The following GALNT14 variants were observed in gnomAD, a reference collection of about 807,000 sequenced individuals.
The protein encoded by GALNT14 is polypeptide N-acetylgalactosaminyltransferase 14.
A neutral mutation model predicts 77.5 loss-of-function variants in GALNT14; 60 were observed. The ratio of observed to expected loss-of-function variants is 0.77; its 90% CI spans 0.63 to 0.96. The LOEUF (loss-of-function observed/expected upper bound fraction) is 0.96, where lower values mean the gene tolerates loss of function less well. Among genes scored for constraint, GALNT14 ranks in the 40% least tolerant of loss-of-function variants. The pLI is 0.00. For synonymous variants in GALNT14, 280 were observed against 281.7 expected, an observed-to-expected ratio of 0.99 and a Z score of 0.06; for missense variants, 710 against 731.0, an observed-to-expected ratio of 0.97 and a Z score of 0.33.
intron 1 of GALNT14, among the ~76,000 whole-genome samples, chr2:31,034,358 C>CTTATT (rs772061535): frequency 9.2e-5 from 14 of 152,190 alleles, no homozygotes; most frequent in Admixed American, 5.2e-4. Context: ...CTTTATAATA[C>CTTATT]TTATTTTATT....
rs188580561 is a variant in GALNT14, at chr2:31,011,377, C to G, written c.130-18370G>C. Reference sequence around the variant, plus strand: ...AGTAAGAGCTGACTTTTAGATCTGGCCTCCACAACCTTGAATCCTCGGGTA... The same window carrying G: ...AGTAAGAGCTGACTTTTAGATCTGGGCTCCACAACCTTGAATCCTCGGGTA... On this transcript the variant is annotated intron_variant, in intron 1 of 14. Coordinates refer to ENST00000349752, the MANE Select transcript of GALNT14 (RefSeq NM_024572.4). Among the ~76,000 whole-genome samples, 532 of 152,314 alleles carry G rather than the reference C, an allele frequency of 3.5e-3. 3 individuals carry two copies. Among genetic ancestry groups the G allele is most frequent in the Non-Finnish European group, 5.8e-3 (396 of 68,016 alleles).
At chr2:31,131,697 A>G (rs1323790064) in intron 1 of GALNT14, among the ~76,000 whole-genome samples, 2 of 152,222 alleles carry the variant, frequency 1.3e-5, no homozygotes, top group African/African-American at 4.8e-5. Context: ...AGGTAAAATC[A>G]GATGGCATGA....
intron 1 of GALNT14, among the ~76,000 whole-genome samples, chr2:31,002,887 C>T (rs1001346928): frequency 7.2e-5 from 11 of 152,202 alleles, no homozygotes; most frequent in Non-Finnish European, 1.0e-4. Flanking sequence ...CCTTTCCCCT[C>T]ACCGAGGGAC....
At chr2:31,014,001 A>G (rs1671193588) in intron 1 of GALNT14, among the ~76,000 whole-genome samples, 1 of 152,244 alleles carries the variant, frequency 6.6e-6, no homozygotes. Flanking sequence ...GAATGAAAAC[A>G]GATGAACCTA....
chr2:31,120,626 G>C (rs556397580), intron 1 of GALNT14, among the ~76,000 whole-genome samples: 4 of 152,088 alleles, frequency 2.6e-5, no homozygotes, highest in African/African-American at 9.6e-5. Context: ...CCACGATCTT[G>C]GCTCACTGCA....
At chr2:31,096,056 C>T (rs1212837023) in intron 1 of GALNT14, among the ~76,000 whole-genome samples, 1 of 152,104 alleles carries the variant, frequency 6.6e-6, no homozygotes, top group African/African-American at 2.4e-5. Flanking sequence ...GGCTCATGGC[C>T]TCTTTTCTTC....
the GALNT14 span, among the ~76,000 whole-genome samples, chr2:30,900,234 T>A: frequency 6.6e-6 from 1 of 152,142 alleles, no homozygotes; most frequent in South Asian, 2.1e-4. Flanking sequence ...CCCCCAGAGT[T>A]TATAAGAATA....
intron 1 of GALNT14, among the ~76,000 whole-genome samples, chr2:31,079,508 G>A (rs1209281733): frequency 1.3e-5 from 2 of 152,184 alleles, no homozygotes; most frequent in Non-Finnish European, 2.9e-5. Flanking sequence ...CCAGGTGGAG[G>A]TTGTTAAGGG....
chr2:30,926,501 A>G lies in GALNT14; in HGVS notation c.1152-1678T>C, dbSNP rs116734675. Among the ~76,000 whole-genome samples, 727 of 152,196 alleles carry G rather than the reference A, an allele frequency of 4.8e-3. 5 individuals are homozygous for G. Among genetic ancestry groups the G allele is most frequent in the African/African-American group, 0.017 (693 of 41,522 alleles). ...TGATAATTGGATAGAAGGGATTGGA[A>G]CTCAAAGGATAGGTTTAGCTTAGAA... On this transcript the variant is annotated intron_variant, in intron 11 of 14. Transcript: ENST00000349752.
chr2:31,041,864 T>A (rs1056156632), intron 1 of GALNT14, among the ~76,000 whole-genome samples: 6 of 152,106 alleles, frequency 3.9e-5, no homozygotes, highest in Admixed American at 2.0e-4. Context: ...GTGAGAACAT[T>A]CACAGATGTG....
chr2:31,104,759 A>G (rs1677470185), intron 1 of GALNT14, among the ~76,000 whole-genome samples: 1 of 152,190 alleles, frequency 6.6e-6, no homozygotes, highest in Non-Finnish European at 1.5e-5. Context: ...TTCTTGGCAC[A>G]ACAGAAATGA....
At chr2:30,939,041 T>C (rs1038643631) in intron 9 of GALNT14, among the ~76,000 whole-genome samples, 3 of 152,200 alleles carry the variant, frequency 2.0e-5, no homozygotes, top group Non-Finnish European at 4.4e-5. Flanking sequence ...TTGAACCCCA[T>C]TCCCATTCAG....
intron 2 of GALNT14, among the ~76,000 whole-genome samples, chr2:30,980,958 A>G (rs1668953222): frequency 6.6e-6 from 1 of 152,212 alleles, no homozygotes; most frequent in Non-Finnish European, 1.5e-5. Context: ...CTAAAATCCA[A>G]GCTACTCAGG....
At chr2:31,015,278 G>C (rs960873260) in intron 1 of GALNT14, among the ~76,000 whole-genome samples, 2 of 145,308 alleles carry the variant, frequency 1.4e-5, no homozygotes, top group African/African-American at 5.2e-5. Flanking sequence ...GGTGACAAGA[G>C]CTAACATCCA....
downstream of GALNT14, among the ~76,000 whole-genome samples, chr2:30,910,077 G>A (rs1215718867): frequency 8.6e-6 from 1 of 115,886 alleles, no homozygotes; most frequent in Non-Finnish European, 1.7e-5. Flanking sequence ...GGGGGAGGGG[G>A]GAGGGATAGC....
At chr2:31,120,127 G>A (rs191086289) in intron 1 of GALNT14, among the ~76,000 whole-genome samples, 2,165 of 64,556 alleles carry the variant, frequency 0.034, 200 homozygotes, top group African/African-American at 0.083. Context: ...CTGCACTCCA[G>A]CCTGGGCGAC....
At chr2:31,037,468 G>C (rs1201407321) in intron 1 of GALNT14, among the ~76,000 whole-genome samples, 2 of 152,164 alleles carry the variant, frequency 1.3e-5, no homozygotes, top group African/African-American at 2.4e-5. Flanking sequence ...TAAAGTCTGT[G>C]TTTAGTAAGT....
chr2:30,893,249 A>T, the GALNT14 span, among the ~76,000 whole-genome samples: 1 of 152,224 alleles, frequency 6.6e-6, no homozygotes, highest in African/African-American at 2.4e-5. Context: ...TTGATCAGAG[A>T]GCCTCCTGAG....
At chr2:30,975,783 A>G (rs191369625) in intron 2 of GALNT14, among the ~76,000 whole-genome samples, 57 of 152,336 alleles carry the variant, frequency 3.7e-4, no homozygotes, top group Admixed American at 6.5e-4. Flanking sequence ...AAATAAAAAC[A>G]TTATAGAGAC....
Sources: gnomAD v4.1 joint callset for allele counts (sites outside exome capture counted in the v4.1 genomes callset) on GRCh38, gnomAD v4.1.1 for gene constraint, MANE v1.5 for transcripts, NCBI Gene and HGNC (gene_info 2026-07-23, HGNC 2026-07-21) for gene names.